Variants in CLVS2 observed in about 807,000 individuals in gnomAD.
CLVS2 encodes the protein clavesin 2, also known as clavesin-2.
Under a neutral mutation model 29.0 loss-of-function variants are expected in CLVS2, and 19 were observed. That is an observed-to-expected ratio of 0.66 (90% CI 0.46 to 0.96). The LOEUF is 0.96. Ranked by LOEUF, CLVS2 falls within the 40% of genes least tolerant of loss-of-function variation. The pLI, the probability that CLVS2 is intolerant of heterozygous loss-of-function variation, is 0.00. For missense variants in CLVS2, 294 were observed against 404.1 expected, an observed-to-expected ratio of 0.73 and a Z score of 2.34; for synonymous variants, 161 against 151.3, an observed-to-expected ratio of 1.06 and a Z score of -0.47.
chr6:123,057,096 C>T (rs1562175719), intron 5 of CLVS2, among the ~76,000 whole-genome samples: 1 of 152,176 alleles, frequency 6.6e-6, no homozygotes, highest in Non-Finnish European at 1.5e-5. Flanking sequence ...CAGGCAACCA[C>T]AGCTCAGGGT....
At chr6:123,006,541 G>T (rs933014847) in intron 2 of CLVS2, among the ~76,000 whole-genome samples, 3 of 152,162 alleles carry the variant, frequency 2.0e-5, no homozygotes, top group African/African-American at 7.2e-5. Context: ...GAAAGAGTTA[G>T]ATGCCAAAGA....
chr6:123,009,806 T>C (rs1462883927), intron 2 of CLVS2, among the ~76,000 whole-genome samples: 1 of 152,118 alleles, frequency 6.6e-6, no homozygotes. Flanking sequence ...ATTCCCTTTT[T>C]AGAATAATTA....
At chr6:123,022,255 A>G (rs1380290790) in intron 3 of CLVS2, among the ~76,000 whole-genome samples, 3 of 152,050 alleles carry the variant, frequency 2.0e-5, no homozygotes, top group East Asian at 1.9e-4. Context: ...AATTTTATCA[A>G]ACTGTCTGAT....
At chr6:123,053,640 T>C (rs1763236531) in intron 4 of CLVS2, among the ~76,000 whole-genome samples, 1 of 152,108 alleles carries the variant, frequency 6.6e-6, no homozygotes, top group African/African-American at 2.4e-5. Flanking sequence ...GGACTATGAA[T>C]ATAGACAATT....
intron 3 of CLVS2, among the ~76,000 whole-genome samples, chr6:123,014,936 C>T (rs1774804283): frequency 6.6e-6 from 1 of 151,994 alleles, no homozygotes; most frequent in Non-Finnish European, 1.5e-5. Context: ...ATTGTTTCAC[C>T]TGGTGAAATT....
rs1258767467 is a variant in CLVS2, at chr6:123,000,130, C to G, written c.389+1964C>G. Among the ~76,000 whole-genome samples the G allele has an allele frequency of 2.0e-5, 3 of 152,008 alleles. No homozygotes were observed. The East Asian group carries it at 5.8e-4, about 29-fold the overall frequency. On this transcript the variant is annotated intron_variant, in intron 2 of 5. Coordinates refer to ENST00000275162, the MANE Select transcript of CLVS2 (RefSeq NM_001010852.4). ...TTAAATACTAAAATGTGTATTAGAA[C>G]AAAATGAGAAGCTGTGTTCTGTAGA... is the stretch of plus-strand genomic sequence containing the variant.
In CLVS2 at chr6:122,997,609, A is replaced by G; in HGVS notation, c.-169A>G. ...CCCCCCAGCTTTGCTGGGGGAAAGC[A>G]GGAGCAACAGGGCACTTGATTGGAC... On this transcript the variant is annotated 5_prime_UTR_variant, in exon 2 of 6. Coordinates refer to ENST00000275162, the MANE Select transcript of CLVS2 (RefSeq NM_001010852.4). The G allele has an allele frequency of 1.6e-6, 1 of 634,874 alleles. No homozygotes were observed. The highest frequency in any genetic ancestry group is 2.9e-5 in the East Asian group (1 of 35,068). 39.3% of individuals were successfully genotyped at this position (634,874 alleles called of 1,614,324 possible).
At chr6:123,054,426 C>A (rs1409294210) in intron 4 of CLVS2, among the ~76,000 whole-genome samples, 1 of 152,172 alleles carries the variant, frequency 6.6e-6, no homozygotes, top group African/African-American at 2.4e-5. Context: ...CTCCAGACAG[C>A]TGTTTGCTCT....
In CLVS2 at chr6:122,997,961, A is replaced by G; in HGVS notation, c.184A>G (p.Lys62Glu). 1 of 1,614,022 alleles carries G rather than the reference A, an allele frequency of 6.2e-7. No homozygotes were observed. The highest frequency in any genetic ancestry group is 8.5e-7 in the Non-Finnish European group (1 of 1,179,960). ...AFILRFLRAR[K>E]FHHFEAFRLL... The stretch of plus-strand genomic sequence containing the variant: ...CATCTTACGCTTCTTGCGGGCTAGG[A>G]AGTTTCATCACTTTGAGGCCTTCCG... Residue 62 changes from lysine to glutamate, a missense_variant, in exon 2 of 6, where the codon AAG (lysine) becomes GAG (glutamate). Coordinates refer to ENST00000275162, the MANE Select transcript of CLVS2 (RefSeq NM_001010852.4).
At chr6:123,023,692 T>G (rs1774956246) in intron 3 of CLVS2, among the ~76,000 whole-genome samples, 2 of 152,096 alleles carry the variant, frequency 1.3e-5, no homozygotes, top group South Asian at 4.1e-4. Flanking sequence ...TGGAGAACAA[T>G]TACATAGGAT....
In CLVS2 at chr6:123,066,133, T is replaced by A. The variant is rs1772850582; in HGVS notation, c.*2372T>A. The A allele has an allele frequency of 6.6e-6, 1 of 151,754 alleles. No homozygotes were observed. The highest frequency in any genetic ancestry group is 2.4e-5 in the African/African-American group (1 of 41,398). The allele number at this position is 151,754 out of a possible 1,614,324, so 9.4% of individuals were successfully genotyped here. A position where few individuals can be genotyped will look rare whatever the true frequency, so the allele number is the denominator to read the frequency against. On this transcript the variant is annotated 3_prime_UTR_variant, in exon 6 of 6. Coordinates refer to ENST00000275162, the MANE Select transcript of CLVS2 (RefSeq NM_001010852.4). ...TCATTCTGTGAATAAACTCATTTTC[T>A]AGTAATGTTTGTGAACCTTAGTCAA...
intron 2 of CLVS2, among the ~76,000 whole-genome samples, chr6:122,999,081 A>G (rs192485282): frequency 1.3e-5 from 2 of 152,364 alleles, no homozygotes; most frequent in Admixed American, 1.3e-4. Context: ...AATTAAGTTC[A>G]AAGTTAAATA....
chr6:123,024,870 C>T (rs576138760), intron 3 of CLVS2, among the ~76,000 whole-genome samples: 159 of 152,032 alleles, frequency 1.0e-3, no homozygotes, highest in African/African-American at 3.6e-3. Flanking sequence ...ATTATTAAGC[C>T]ATGTGTTCCT....
At position 123,050,269 on chromosome 6, in the gene CLVS2, T is replaced by G. The variant is rs561723705; in HGVS notation, c.675+1537T>G. The stretch of plus-strand genomic sequence containing the variant: ...TTGCTTTAATGAAAGGATGATCAAG[T>G]GATCCAAAAAACCTGCAGGGGCTTT... On this transcript the variant is annotated intron_variant, in intron 4 of 5. Transcript: ENST00000275162. Among the ~76,000 whole-genome samples, 67 of 152,326 alleles carry G rather than the reference T, an allele frequency of 4.4e-4. 1 individual carries two copies. The highest frequency in any genetic ancestry group is 1.6e-3 in the African/African-American group (65 of 41,588).
Position 123,072,077 on chromosome 6 carries a change from G to A in CLVS2, c.*8316G>A, listed in dbSNP as rs1772958475. On this transcript the variant is annotated 3_prime_UTR_variant, in exon 6 of 6. Transcript: ENST00000275162. ...TAGATATTGGTTCTTGTTGTGATAG[G>A]TTTCTGATTTGTATCCTTTGCAGTT... 6.6e-6 allele frequency: 1 copy of A among 151,878 alleles called. No individual in the cohort carries two copies. Among genetic ancestry groups the A allele is most frequent in the African/African-American group, 2.4e-5 (1 of 41,382 alleles). 9.4% of individuals were successfully genotyped at this position (151,878 alleles called of 1,614,324 possible).
intron 3 of CLVS2, among the ~76,000 whole-genome samples, chr6:123,039,648 AG>A (rs548443020): frequency 1.2e-3 from 176 of 152,196 alleles, no homozygotes; most frequent in African/African-American, 3.8e-3. Context: ...CTTCCTGTTG[AG>A]GTGTGTGGCT....
rs1040425295 is a variant in CLVS2 at position 123,065,656 on chromosome 6, A to C, written c.*1895A>C. 2.0e-5 allele frequency: 3 copies of C among 151,812 alleles called. No homozygotes were observed. Among genetic ancestry groups the C allele is most frequent in the African/African-American group, 7.2e-5 (3 of 41,398 alleles). The allele number at this position is 151,812 out of a possible 1,614,324, so 9.4% of individuals were successfully genotyped here. On this transcript the variant is annotated 3_prime_UTR_variant, in exon 6 of 6. Coordinates refer to ENST00000275162, the MANE Select transcript of CLVS2 (RefSeq NM_001010852.4). ...GAATTCTAACCATTGATATTCTTAC[A>C]TTCTTGCCTACCTGACATACATTTT...
intron 2 of CLVS2, among the ~76,000 whole-genome samples, chr6:123,006,413 T>A (rs1774669979): frequency 6.6e-6 from 1 of 152,040 alleles, no homozygotes; most frequent in Non-Finnish European, 1.5e-5. Context: ...AATTAATGTT[T>A]TAGGACAATT....
intron 2 of CLVS2, among the ~76,000 whole-genome samples, chr6:123,008,876 A>G (rs1774709297): frequency 6.6e-6 from 1 of 152,062 alleles, no homozygotes; most frequent in African/African-American, 2.4e-5. Context: ...ATTTAATAAC[A>G]AATACATAGC....
Sources: gnomAD v4.1 joint callset for allele counts (sites outside exome capture counted in the v4.1 genomes callset) on GRCh38, gnomAD v4.1.1 for gene constraint, MANE v1.5 for transcripts, NCBI Gene and HGNC (gene_info 2026-07-23, HGNC 2026-07-21) for gene names.